The following IP6K1 variants were observed in gnomAD, a reference collection of about 807,000 sequenced individuals.
IP6K1 encodes ATP:1D-myo-inositol-hexakisphosphate phosphotransferase.
IP6K1 carries 13 observed loss-of-function variants against 38.3 expected under a neutral mutation model. The ratio of observed to expected loss-of-function variants is 0.34; its 90% CI spans 0.22 to 0.54. The LOEUF (loss-of-function observed/expected upper bound fraction) is 0.54, where lower values mean the gene tolerates loss of function less well. IP6K1 is among the 20% of genes least tolerant of loss of function. The probability of loss-of-function intolerance (pLI) is 0.92; values close to 1 mark genes in which losing one functional copy is unlikely to be tolerated. For missense variants in IP6K1, 397 were observed against 599.8 expected (o/e 0.66, Z 3.53); for synonymous variants, 212 against 229.9 (o/e 0.92, Z 0.70).
chr3:49,750,141 T>C (rs1344093642), intron 1 of IP6K1, among the ~76,000 whole-genome samples: 1 of 151,964 alleles, frequency 6.6e-6, no homozygotes, highest in Non-Finnish European at 1.5e-5. Context: ...AAAAATAGAG[T>C]TGCTGGATTG....
Position 49,731,887 on chromosome 3 carries a change from C to CAAAAAAAAAAAA in IP6K1, c.616+892_616+903dup, listed in dbSNP as rs71080545. On this transcript the variant is annotated intron_variant, in intron 4 of 5. Transcript: ENST00000321599. The stretch of plus-strand genomic sequence containing the variant: ...TGGGTAACAGAGTGAGACTCTGTCT[C>CAAAAAAAAAAAA]AAAAAAAAAAAAAAAAAAGGAATTC... 2.9e-3 allele frequency among the ~76,000 whole-genome samples: 187 copies of CAAAAAAAAAAAA among 65,288 alleles called. 8 individuals are homozygous for CAAAAAAAAAAAA. Among genetic ancestry groups the CAAAAAAAAAAAA allele is most frequent in the African/African-American group, 8.2e-3 (161 of 19,730 alleles). 42.8% of individuals were successfully genotyped at this position (65,288 alleles called of 152,430 possible).
chr3:49,747,849 G>A lies in IP6K1; in HGVS notation c.192C>T (p.Pro64=), dbSNP rs535900553. The A allele has an allele frequency of 4.3e-6, 7 of 1,613,942 alleles. No individual in the cohort carries two copies. The highest frequency in any genetic ancestry group is 1.1e-5 in the South Asian group (1 of 91,076). Residue 64 remains proline, a synonymous_variant, in exon 2 of 6, where the codon CCC becomes CCT. Transcript: ENST00000321599. ...ATTCAGGGGTGAACTCCTTCATTTC[G>A]GGAGGGAGGGACTCGTAAAAGCGCT... ...REQRFYESLP[P]EMKEFTPEYK...
In IP6K1 at chr3:49,740,297, G is replaced by A. The variant is rs114169830; in HGVS notation, c.224-1875C>T. On this transcript the variant is annotated intron_variant, in intron 2 of 5. Transcript: ENST00000321599. ...GTTGCCCAGTCTGGTCTGGAACTCC[G>A]GGCCTCAAACAATCCTCTTGCCTTC... Among the ~76,000 whole-genome samples, 560 of 146,626 alleles carry A rather than the reference G, an allele frequency of 3.8e-3. 5 individuals are homozygous for A. The highest frequency in any genetic ancestry group is 0.018 in the Middle Eastern group (5 of 278).
At chr3:49,775,319 G>A (rs1050568000) in intron 1 of IP6K1, 1 of 277,828 alleles carries the variant, frequency 3.6e-6, no homozygotes, top group Non-Finnish European at 7.4e-6. Context: ...ATCTTTTGCT[G>A]CAAGCCAGCT....
intron 1 of IP6K1, among the ~76,000 whole-genome samples, chr3:49,777,816 A>G (rs985184788): frequency 5.3e-5 from 8 of 150,732 alleles, no homozygotes; most frequent in Admixed American, 5.3e-4. Flanking sequence ...TCGGGAGGCG[A>G]AGGCAGGAGA....
chr3:49,781,339 A>C (rs1442529491), intron 1 of IP6K1, among the ~76,000 whole-genome samples: 1 of 152,232 alleles, frequency 6.6e-6, no homozygotes, highest in Non-Finnish European at 1.5e-5. Context: ...CTGGGATTAC[A>C]GGCGTGACCC....
intron 2 of IP6K1, among the ~76,000 whole-genome samples, chr3:49,742,990 G>A (rs538212243): frequency 6.6e-6 from 1 of 152,200 alleles, no homozygotes; most frequent in African/African-American, 2.4e-5. Flanking sequence ...CACTTTGGGA[G>A]GCCAAGGCAA....
chr3:49,735,775 T>C (rs1053854378), intron 3 of IP6K1, among the ~76,000 whole-genome samples: 2 of 152,220 alleles, frequency 1.3e-5, no homozygotes, highest in African/African-American at 4.8e-5. Context: ...TGGAATGTCC[T>C]AGGCCTTTAC....
Position 49,747,864 on chromosome 3 carries a change from G to A in IP6K1, c.177C>T (p.Tyr59=), listed in dbSNP as rs200393807. 17 of 1,614,168 alleles carry A rather than the reference G, an allele frequency of 1.1e-5. No individual in the cohort carries two copies. The Admixed American group carries it at 1.2e-4, about 11-fold the overall frequency. The change falls in exon 2 of 6, where the codon TAC becomes TAT. Residue 59 remains tyrosine, a synonymous_variant. Transcript: ENST00000321599. The part of the protein sequence containing the change: ...KPLISREQRF[Y]ESLPPEMKEF... ...CCTTCATTTCGGGAGGGAGGGACTC[G>A]TAAAAGCGCTGTTCCCGGGAGATGA...
intron 3 of IP6K1, among the ~76,000 whole-genome samples, chr3:49,737,208 G>A (rs1253422101): frequency 6.6e-6 from 1 of 151,756 alleles, no homozygotes; most frequent in Admixed American, 6.6e-5. Flanking sequence ...ACAGCACTCA[G>A]CCTGGTTTAA....
Position 49,729,760 on chromosome 3 carries a change from C to T in IP6K1, c.617-1482G>A, listed in dbSNP as rs148328465. ...TATTATTTTTTTTGAGACAGAGTCTCACTCTGTTGCCCAGGCTGGAGTGCA... is the reference window on the plus strand; with the variant it reads ...TATTATTTTTTTTGAGACAGAGTCTTACTCTGTTGCCCAGGCTGGAGTGCA... On this transcript the variant is annotated intron_variant, in intron 4 of 5. Transcript: ENST00000321599. Among the ~76,000 whole-genome samples the T allele has an allele frequency of 8.4e-4, 126 of 149,672 alleles. 4 individuals carry two copies. The East Asian group carries it at 0.023, about 27-fold the overall frequency.
chr3:49,784,278 T>C (rs1214985354), intron 1 of IP6K1, among the ~76,000 whole-genome samples: 1 of 151,896 alleles, frequency 6.6e-6, no homozygotes, highest in African/African-American at 2.4e-5. Flanking sequence ...ATTACAGACA[T>C]GAGCTACCGC....
intron 1 of IP6K1, among the ~76,000 whole-genome samples, chr3:49,780,693 G>C (rs1397841995): frequency 2.6e-5 from 4 of 152,216 alleles, no homozygotes; most frequent in Non-Finnish European, 4.4e-5. Flanking sequence ...TCCTAGAAAA[G>C]TGGCACTTTA....
chr3:49,728,353 TA>T, intron 4 of IP6K1, 75 bp from the exon 5 acceptor site: 2 of 1,468,782 alleles, frequency 1.4e-6, no homozygotes, highest in Non-Finnish European at 1.9e-6. Context: ...CCAGTTTTTC[TA>T]TAAAAGGGGG....
At chr3:49,749,379 A>T (rs2080752271) in intron 1 of IP6K1, among the ~76,000 whole-genome samples, 1 of 152,180 alleles carries the variant, frequency 6.6e-6, no homozygotes, top group Non-Finnish European at 1.5e-5. Flanking sequence ...TATAATGTCA[A>T]TTTTCTCTCA....
chr3:49,777,027 G>A (rs1289693719), intron 1 of IP6K1, among the ~76,000 whole-genome samples: 1 of 152,086 alleles, frequency 6.6e-6, no homozygotes, highest in Non-Finnish European at 1.5e-5. Flanking sequence ...TTGAGGTCAG[G>A]AGTTCGAGAC....
At chr3:49,761,002 G>A (rs1263534369) in intron 1 of IP6K1, among the ~76,000 whole-genome samples, 1 of 152,188 alleles carries the variant, frequency 6.6e-6, no homozygotes, top group African/African-American at 2.4e-5. Context: ...ACGTTTTAAA[G>A]TCTAAAAGTA....
intron 1 of IP6K1, among the ~76,000 whole-genome samples, chr3:49,774,612 T>G (rs1177520011): frequency 5.9e-5 from 9 of 152,044 alleles, no homozygotes; most frequent in Non-Finnish European, 1.0e-4. Context: ...CTATGCATAA[T>G]AGGTGACCTG....
chr3:49,765,890 C>A (rs1314466950), intron 1 of IP6K1, among the ~76,000 whole-genome samples: 4 of 151,338 alleles, frequency 2.6e-5, no homozygotes, highest in African/African-American at 9.7e-5. Flanking sequence ...AAAAAAAACA[C>A]ACAAAGCCAG....
Sources: allele counts gnomAD v4.1 joint callset (sites outside exome capture counted in the v4.1 genomes callset), GRCh38; gene constraint gnomAD v4.1.1; transcripts MANE v1.5; gene names NCBI Gene and HGNC (gene_info 2026-07-23, HGNC 2026-07-21).